The following GRM8 variants were observed in gnomAD, a reference collection of about 807,000 sequenced individuals.
GRM8 encodes the protein glutamate metabotropic receptor 8.
GRM8 carries 47 observed loss-of-function variants against 87.2 expected under a neutral mutation model. The observed-to-expected ratio is 0.54, with a 90% confidence interval of 0.43 to 0.69. The LOEUF (loss-of-function observed/expected upper bound fraction) is 0.69. Among genes scored for constraint, GRM8 ranks in the 30% least tolerant of loss-of-function variants. GRM8 has a pLI of 0.00. For missense variants in GRM8, 1,019 were observed against 1,139.2 expected, an observed-to-expected ratio of 0.89 and a Z score of 1.52; for synonymous variants, 396 against 404.5, an observed-to-expected ratio of 0.98 and a Z score of 0.25.
At chr7:127,002,897 T>C (rs148597472) in intron 3 of GRM8, among the ~76,000 whole-genome samples, 2 of 151,858 alleles carry the variant, frequency 1.3e-5, no homozygotes, top group East Asian at 3.9e-4. Context: ...ACTACTACCA[T>C]TAATACTAAT....
intron 7 of GRM8, among the ~76,000 whole-genome samples, chr7:126,625,833 T>G (rs1800619412): frequency 6.6e-6 from 1 of 151,702 alleles, no homozygotes. Context: ...AAAAAGAACA[T>G]ATAATAATTA....
chr7:126,959,323 C>T (rs952552634), intron 3 of GRM8, among the ~76,000 whole-genome samples: 1 of 152,114 alleles, frequency 6.6e-6, no homozygotes, highest in African/African-American at 2.4e-5. Context: ...TGGAAGTCCC[C>T]GAGCTAAAGC....
At chr7:126,885,115 T>C (rs1800368389) in intron 6 of GRM8, among the ~76,000 whole-genome samples, 1 of 152,170 alleles carries the variant, frequency 6.6e-6, no homozygotes, top group Non-Finnish European at 1.5e-5. Flanking sequence ...CAGCATATCT[T>C]GGAAAATGAA....
intron 3 of GRM8, among the ~76,000 whole-genome samples, chr7:126,965,559 G>A (rs1809765360): frequency 6.6e-6 from 1 of 151,864 alleles, no homozygotes; most frequent in Non-Finnish European, 1.5e-5. Context: ...TAAATTTTTA[G>A]TATAATAAAG....
At chr7:127,216,473 G>A (rs17869658) in intron 2 of GRM8, among the ~76,000 whole-genome samples, 4,533 of 145,158 alleles carry the variant, frequency 0.031, 227 homozygotes, top group African/African-American at 0.11. Flanking sequence ...AGCCAAGATC[G>A]CGCCACTGCA....
chr7:126,974,318 G>A lies in GRM8; in HGVS notation c.728-69635C>T, dbSNP rs542397017. 6.1e-4 allele frequency among the ~76,000 whole-genome samples: 93 copies of A among 152,184 alleles called. 2 individuals are homozygous for A. Among genetic ancestry groups the A allele is most frequent in the Middle Eastern group, 3.4e-3 (1 of 294 alleles). On this transcript the variant is annotated intron_variant, in intron 3 of 10. Coordinates refer to ENST00000339582, the MANE Select transcript of GRM8 (RefSeq NM_000845.3). Reference sequence around the variant, plus strand: ...AAATTGTATTGTATTGGGCATTTGCGTTAAATAAGTAGATTTAGTTGCCTG... The same window carrying A: ...AAATTGTATTGTATTGGGCATTTGCATTAAATAAGTAGATTTAGTTGCCTG...
intron 2 of GRM8, among the ~76,000 whole-genome samples, chr7:127,179,547 G>A (rs1011747454): frequency 7.2e-5 from 11 of 151,860 alleles, no homozygotes; most frequent in East Asian, 3.9e-4. Context: ...CAAAATACAC[G>A]TTCTATTTAA....
chr7:126,801,549 T>A (rs1822699173), intron 6 of GRM8, among the ~76,000 whole-genome samples: 1 of 67,716 alleles, frequency 1.5e-5, no homozygotes, highest in African/African-American at 3.3e-5. Flanking sequence ...ATAGTATTAC[T>A]ATGTGGCTGG....
intron 2 of GRM8, among the ~76,000 whole-genome samples, chr7:127,226,896 T>C (rs1797365818): frequency 6.6e-6 from 1 of 152,226 alleles, no homozygotes. Context: ...CTGATGTTTA[T>C]TGTATTAGTA....
intron 3 of GRM8, among the ~76,000 whole-genome samples, chr7:126,997,568 C>A (rs1297391314): frequency 1.4e-5 from 2 of 145,896 alleles, no homozygotes; most frequent in Non-Finnish European, 1.5e-5. Flanking sequence ...AAGAGACGAT[C>A]CAAACAAATA....
chr7:126,964,530 T>C (rs1250911796), intron 3 of GRM8, among the ~76,000 whole-genome samples: 1 of 152,200 alleles, frequency 6.6e-6, no homozygotes, highest in Non-Finnish European at 1.5e-5. Context: ...AAAGAAGACA[T>C]TTATGCAGCC....
chr7:127,192,543 G>A (rs770794911), intron 2 of GRM8, among the ~76,000 whole-genome samples: 25 of 152,120 alleles, frequency 1.6e-4, no homozygotes, highest in Admixed American at 4.6e-4. Flanking sequence ...GCTTTATCAC[G>A]AGTCTCAGGG....
At chr7:126,683,848 G>A (rs1476555247) in intron 7 of GRM8, among the ~76,000 whole-genome samples, 1 of 152,178 alleles carries the variant, frequency 6.6e-6, no homozygotes, top group East Asian at 1.9e-4. Context: ...GTTAATAGTA[G>A]ATTAAAAGGC....
At chr7:127,126,783 A>G (rs1202027448) in intron 2 of GRM8, among the ~76,000 whole-genome samples, 1 of 152,030 alleles carries the variant, frequency 6.6e-6, no homozygotes, top group Non-Finnish European at 1.5e-5. Flanking sequence ...ATCATTATTA[A>G]TAAAATATAA....
In GRM8 at chr7:126,447,002, T is replaced by A. The variant is rs983989193; in HGVS notation, c.2431-630A>T. 3.1e-4 allele frequency: 47 copies of A among 152,142 alleles called. 1 individual carries two copies. Among genetic ancestry groups the A allele is most frequent in the African/African-American group, 1.1e-3 (46 of 41,408 alleles). 9.4% of individuals were successfully genotyped at this position (152,142 alleles called of 1,614,324 possible). On this transcript the variant is annotated intron_variant, in intron 9 of 10. Transcript: ENST00000339582. ...CATATCGAAATAAGTCAGGTGCTTTTATAAAATATGTAAGATCTCCTCCCT... is the reference window on the plus strand; with the variant it reads ...CATATCGAAATAAGTCAGGTGCTTTAATAAAATATGTAAGATCTCCTCCCT...
chr7:126,956,015 C>T (rs1369220177), intron 3 of GRM8, among the ~76,000 whole-genome samples: 1 of 152,058 alleles, frequency 6.6e-6, no homozygotes. Context: ...GCACCCTTTG[C>T]ACATGTATAT....
At chr7:126,974,844 G>A (rs779461622) in intron 3 of GRM8, among the ~76,000 whole-genome samples, 5 of 147,786 alleles carry the variant, frequency 3.4e-5, no homozygotes, top group African/African-American at 9.9e-5. Context: ...GCTGAGGCAG[G>A]AGAATGTCGT....
chr7:127,231,470 A>G (rs987942518), intron 2 of GRM8, among the ~76,000 whole-genome samples: 3 of 152,236 alleles, frequency 2.0e-5, no homozygotes, highest in East Asian at 3.8e-4. Context: ...CATTTTAAAC[A>G]GGTGGCACAA....
intron 2 of GRM8, among the ~76,000 whole-genome samples, chr7:127,238,305 CAT>C (rs1491490751): frequency 3.9e-5 from 5 of 129,022 alleles, no homozygotes; most frequent in African/African-American, 9.5e-5. Flanking sequence ...TGTGTGTGTG[CAT>C]GTGTGTGTGT....
Sources: allele counts gnomAD v4.1 joint callset (sites outside exome capture counted in the v4.1 genomes callset), GRCh38; gene constraint gnomAD v4.1.1; transcripts MANE v1.5; gene names NCBI Gene and HGNC (gene_info 2026-07-23, HGNC 2026-07-21).